Variants in SYNPO2 observed in about 807,000 individuals in gnomAD.
The protein encoded by SYNPO2 is synaptopodin-2.
A neutral mutation model predicts 85.0 loss-of-function variants in SYNPO2; 56 were observed. The ratio of observed to expected loss-of-function variants is 0.66; its 90% CI spans 0.53 to 0.82. The LOEUF is 0.82. SYNPO2 is among the 40% of genes least tolerant of loss of function. SYNPO2 has a pLI of 0.00. For missense variants in SYNPO2, 1,575 were observed against 1,534.2 expected (o/e 1.03, Z -0.44); for synonymous variants, 602 against 591.1 (o/e 1.02, Z -0.27).
intron 1 of SYNPO2, among the ~76,000 whole-genome samples, chr4:118,895,847 T>C (rs2149116209): frequency 6.6e-6 from 1 of 152,336 alleles, no homozygotes; most frequent in Non-Finnish European, 1.5e-5. Flanking sequence ...ATAACTTCTC[T>C]CTGTCAGTTA....
chr4:118,925,635 T>A (rs1253734622), intron 1 of SYNPO2, among the ~76,000 whole-genome samples: 1 of 152,154 alleles, frequency 6.6e-6, no homozygotes, highest in Non-Finnish European at 1.5e-5. Flanking sequence ...TTAGACTTAT[T>A]AAAATCTAAT....
At chr4:118,950,101 C>A (rs1174264163) in intron 1 of SYNPO2, among the ~76,000 whole-genome samples, 1 of 152,096 alleles carries the variant, frequency 6.6e-6, no homozygotes, top group African/African-American at 2.4e-5. Flanking sequence ...TAGAAAACTG[C>A]CACATTCCAT....
intron 3 of SYNPO2, among the ~76,000 whole-genome samples, chr4:119,028,427 AAT>A (rs1738074835): frequency 6.6e-6 from 1 of 152,094 alleles, no homozygotes; most frequent in Non-Finnish European, 1.5e-5. Flanking sequence ...AAGTGCTGTT[AAT>A]CATTCCTTAT....
intron 4 of SYNPO2, among the ~76,000 whole-genome samples, chr4:119,052,732 T>A (rs193240743): frequency 3.5e-4 from 54 of 152,290 alleles, no homozygotes; most frequent in Non-Finnish European, 6.8e-4. Context: ...TTGGAGTTTG[T>A]TATTTCAGGG....
chr4:119,054,407 C>T (rs756592847), intron 4 of SYNPO2, among the ~76,000 whole-genome samples: 11 of 152,154 alleles, frequency 7.2e-5, no homozygotes, highest in Admixed American at 5.9e-4. Flanking sequence ...AGCTCTTGTC[C>T]GGCGTCCAGG....
intron 1 of SYNPO2, among the ~76,000 whole-genome samples, chr4:118,906,447 G>A (rs1279436529): frequency 6.6e-6 from 1 of 152,046 alleles, no homozygotes; most frequent in African/African-American, 2.4e-5. Context: ...GACACTACCT[G>A]GCTCTCAGTT....
In SYNPO2 at chr4:119,057,746, A is replaced by G. The variant is rs372296960; in HGVS notation, c.3598A>G (p.Asn1200Asp). 7 of 1,614,148 alleles carry G rather than the reference A, an allele frequency of 4.3e-6. No homozygotes were observed. In the African/African-American group the frequency reaches 8.0e-5, roughly 18 times the overall value. Reference protein sequence around the residue: ...YMGSCGRQEYNVTANNNMSTT... With the variant: ...YMGSCGRQEYDVTANNNMSTT... ...GGGCTCATGTGGAAGGCAAGAGTAT[A>G]ATGTCACAGCCAATAATAATATGTC... Residue 1200 changes from asparagine to aspartate, a missense_variant, in exon 5 of 5, where the codon AAT becomes GAT. Physicochemically the swap from Asn to Asp is conservative, Grantham distance 23. Coordinates refer to ENST00000307142, the MANE Select transcript of SYNPO2 (RefSeq NM_133477.3).
At chr4:119,055,317 G>T (rs1739178043) in intron 4 of SYNPO2, among the ~76,000 whole-genome samples, 1 of 151,942 alleles carries the variant, frequency 6.6e-6, no homozygotes, top group Non-Finnish European at 1.5e-5. Flanking sequence ...ACACCTTGGA[G>T]AATTCTTTTG....
intron 4 of SYNPO2, among the ~76,000 whole-genome samples, chr4:119,056,100 C>T (rs975488900): frequency 5.3e-5 from 8 of 152,290 alleles, no homozygotes; most frequent in African/African-American, 1.7e-4. Flanking sequence ...CTCCTGTCCC[C>T]TAGGTGTACC....
At chr4:119,011,202 A>ACCAGCAGAGTGCACAGGAGGT (rs921346484) in intron 1 of SYNPO2, among the ~76,000 whole-genome samples, 6 of 152,320 alleles carry the variant, frequency 3.9e-5, no homozygotes, top group Admixed American at 2.0e-4. Flanking sequence ...ACCTGCCAAG[A>ACCAGCAGAGTGCACAGGAGGT]CCAGCAGAGT....
intron 1 of SYNPO2, among the ~76,000 whole-genome samples, chr4:118,900,703 C>CTCTCTCTCTCTCTATATATATATATA (rs1277981772): frequency 2.3e-5 from 1 of 43,894 alleles, no homozygotes; most frequent in African/African-American, 7.9e-5. Flanking sequence ...CTCTCTCTCT[C>CTCTCTCTCTCTCTATATATATATATA]TATATATATA....
chr4:118,943,272 C>T (rs189092713), intron 1 of SYNPO2, among the ~76,000 whole-genome samples: 4 of 152,280 alleles, frequency 2.6e-5, no homozygotes, highest in African/African-American at 9.6e-5. Flanking sequence ...GTAAAGACAG[C>T]AGCCCTAAGG....
chr4:118,885,566 A>G (rs527944236), upstream of SYNPO2, among the ~76,000 whole-genome samples: 14 of 149,962 alleles, frequency 9.3e-5, no homozygotes, highest in African/African-American at 3.2e-4. Context: ...TCTGCCTCCC[A>G]GGTTCAAGCA....
chr4:118,972,296 T>C (rs1340570434), intron 1 of SYNPO2, among the ~76,000 whole-genome samples: 1 of 151,590 alleles, frequency 6.6e-6, no homozygotes, highest in Non-Finnish European at 1.5e-5. Flanking sequence ...AAAGAAAAAA[T>C]AGCCGGGTGT....
intron 1 of SYNPO2, among the ~76,000 whole-genome samples, chr4:119,020,254 T>C (rs1436078140): frequency 6.6e-6 from 1 of 152,164 alleles, no homozygotes; most frequent in Non-Finnish European, 1.5e-5. Flanking sequence ...TATTTCTTGT[T>C]ATTCAGATGA....
chr4:118,999,564 G>T (rs906152517), intron 1 of SYNPO2, among the ~76,000 whole-genome samples: 2 of 152,064 alleles, frequency 1.3e-5, no homozygotes, highest in African/African-American at 2.4e-5. Context: ...GCATACCACC[G>T]CACCCAGCTA....
At chr4:119,049,971 C>T (rs761292808) in intron 4 of SYNPO2, among the ~76,000 whole-genome samples, 14 of 152,078 alleles carry the variant, frequency 9.2e-5, no homozygotes, top group Non-Finnish European at 1.8e-4. Context: ...TTTAAATGAC[C>T]TTTTCCAAAA....
intron 1 of SYNPO2, among the ~76,000 whole-genome samples, chr4:118,981,254 G>A (rs896591596): frequency 1.3e-5 from 2 of 152,136 alleles, no homozygotes; most frequent in African/African-American, 4.8e-5. Flanking sequence ...GGGCTCTCTA[G>A]TTGAACAGCC....
chr4:119,007,264 A>C (rs1175282809), intron 1 of SYNPO2, among the ~76,000 whole-genome samples: 1 of 76,510 alleles, frequency 1.3e-5, no homozygotes, highest in Non-Finnish European at 2.4e-5. Flanking sequence ...ATATATATAT[A>C]TATATATATA....
Sources: allele counts gnomAD v4.1 joint callset (sites outside exome capture counted in the v4.1 genomes callset), GRCh38; gene constraint gnomAD v4.1.1; transcripts MANE v1.5; gene names NCBI Gene and HGNC (gene_info 2026-07-23, HGNC 2026-07-21).